Variants in IFI30 observed in about 807,000 individuals in gnomAD.
IFI30 encodes IFI30 lysosomal thiol reductase, also known as gamma-interferon-inducible lysosomal thiol reductase.
Under a neutral mutation model 30.1 loss-of-function variants are expected in IFI30, and 26 were observed. That is an observed-to-expected ratio of 0.87 (90% CI 0.63 to 1.20). IFI30 has a LOEUF of 1.20. Among genes scored for constraint, IFI30 ranks in the 50% most tolerant of loss-of-function variants. IFI30 has a pLI of 0.00. For synonymous variants in IFI30, 149 were observed against 134.5 expected, an observed-to-expected ratio of 1.11 and a Z score of -0.75; for missense variants, 296 against 312.5, an observed-to-expected ratio of 0.95 and a Z score of 0.40.
chr19:18,175,321 T>G lies in IFI30; in HGVS notation c.326T>G (p.Val109Gly). 5.0e-6 allele frequency: 8 copies of G among 1,590,862 alleles called. No homozygotes were observed. Among genetic ancestry groups the G allele is most frequent in the Non-Finnish European group, 6.8e-6 (8 of 1,169,234 alleles). The change falls in exon 3 of 7, where the codon GTC becomes GGC. Residue 109 changes from valine to glycine, a missense_variant. Transcript: ENST00000407280. ...CCTGCTGCCTTGCAGGAACAAAATGTCAGTGGCAGGTGGGAGTTCAAGTGC... is the reference window on the plus strand; with the variant it reads ...CCTGCTGCCTTGCAGGAACAAAATGGCAGTGGCAGGTGGGAGTTCAAGTGC... ...VPYGNAQEQN[V>G]SGRWEFKCQH...
In IFI30 at chr19:18,177,999, T is replaced by C. The variant is rs1967294254; in HGVS notation, c.*88T>C. 1.4e-6 allele frequency: 2 copies of C among 1,393,912 alleles called. No individual in the cohort carries two copies. The highest frequency in any genetic ancestry group is 1.2e-5 in the South Asian group (1 of 80,132). The allele number at this position is 1,393,912 out of a possible 1,614,324, so 86.3% of individuals were successfully genotyped here. A position where few individuals can be genotyped will look rare whatever the true frequency, so the allele number is the denominator to read the frequency against. On this transcript the variant is annotated 3_prime_UTR_variant, in exon 7 of 7. Transcript: ENST00000407280. Reference sequence around the variant, plus strand: ...TCTGATCCAGACCCTCGGCACCTGCTACTTACCAACTGGAAAATTTTATGC... The same window carrying C: ...TCTGATCCAGACCCTCGGCACCTGCCACTTACCAACTGGAAAATTTTATGC...
chr19:18,174,889 C>A, intron 1 of IFI30, 151 bp from the exon 2 acceptor site: 6 of 592,874 alleles, frequency 1.0e-5, no homozygotes, highest in Admixed American at 3.3e-5. Flanking sequence ...AAAAAAGTCT[C>A]AAAGTCAAGA....
Position 18,175,698 on chromosome 19 carries a change from G to A in IFI30, c.483+1G>A. The A allele has an allele frequency of 2.5e-6, 4 of 1,600,552 alleles. No homozygotes were observed. Among genetic ancestry groups the A allele is most frequent in the Non-Finnish European group, 3.4e-6 (4 of 1,173,226 alleles). ...GGACATGGAGAGAAGTCTGCCACTAGTGAGTGACGCCCCTCACTCCACCCA... is the reference window on the plus strand; with the variant it reads ...GGACATGGAGAGAAGTCTGCCACTAATGAGTGACGCCCCTCACTCCACCCA... On this transcript the variant is annotated splice_donor_variant, in intron 4 of 6. Transcript: ENST00000407280. LOFTEE classifies it high-confidence loss of function.
rs1159094965 is a variant in IFI30, at chr19:18,175,061, G to C, written c.154G>C (p.Gly52Arg). 1 of 1,613,702 alleles carries C rather than the reference G, an allele frequency of 6.2e-7. No homozygotes were observed. Among genetic ancestry groups the C allele is most frequent in the Admixed American group, 1.7e-5 (1 of 59,964 alleles). The part of the protein sequence containing the change: ...NYKTGNLYLR[G>R]PLKKSNAPLV... ...ACAGACAGGCAATCTATACCTGCGG[G>C]GGCCCCTGAAGAAGTCCAATGCACC... The change falls in exon 2 of 7, where the codon GGG (glycine) becomes CGG (arginine). Residue 52 changes from glycine to arginine, a missense_variant. Coordinates refer to ENST00000407280, the MANE Select transcript of IFI30 (RefSeq NM_006332.5).
chr19:18,177,082 G>A (rs898445946), intron 4 of IFI30, 58 bp from the exon 5 acceptor site: 7 of 1,480,352 alleles, frequency 4.7e-6, no homozygotes, highest in African/African-American at 1.4e-5. Context: ...CTGGTGGGCG[G>A]GACCGTTGAG....
chr19:18,174,018 C>T (rs746282770), intron 1 of IFI30, 45 bp downstream of exon 1: 30 of 1,508,078 alleles, frequency 2.0e-5, no homozygotes, highest in Non-Finnish European at 2.6e-5. Flanking sequence ...AACAGGCGCC[C>T]TGTCGGGGCA....
chr19:18,177,745 TTG>T lies in IFI30; in HGVS notation c.673_674del (p.Val225LeufsTer67). 6.2e-7 allele frequency: 1 copy of T among 1,613,850 alleles called. No homozygotes were observed. Among genetic ancestry groups the T allele is most frequent in the Non-Finnish European group, 8.5e-7 (1 of 1,179,854 alleles). On this transcript the variant is annotated frameshift_variant, in exon 6 of 7. Coordinates refer to ENST00000407280, the MANE Select transcript of IFI30 (RefSeq NM_006332.5). LOFTEE classifies it low-confidence loss of function (END_TRUNC). ...GAAGATCAGACCCAGCTCCTTACCCTTGTCTGCCAGTTGTACCAGGTAAGCTG... is the reference window on the plus strand; with the variant it reads ...GAAGATCAGACCCAGCTCCTTACCCTTCTGCCAGTTGTACCAGGTAAGCTG...
chr19:18,177,657 G>T, intron 5 of IFI30, 54 bp from the exon 6 acceptor site: 1 of 1,597,924 alleles, frequency 6.3e-7, no homozygotes, highest in Non-Finnish European at 8.6e-7. Flanking sequence ...GAACCAGGGT[G>T]CATGGGTTGG....
rs1409017857 is a variant in IFI30, at chr19:18,175,129, C to T, written c.222C>T (p.Gly74=). Residue 74 remains glycine (G), a synonymous_variant, in exon 2 of 7, where the codon GGC becomes GGT. Coordinates refer to ENST00000407280, the MANE Select transcript of IFI30 (RefSeq NM_006332.5). ...TCTACTATGAAGCACTGTGCGGTGG[C>T]TGCCGAGCCTTCCTGATCCGGGAGC... is the stretch of plus-strand genomic sequence containing the variant. ...VTLYYEALCG[G]CRAFLIRELF... 6.2e-7 allele frequency: 1 copy of T among 1,612,790 alleles called. No homozygotes were observed. The highest frequency in any genetic ancestry group is 1.3e-5 in the African/African-American group (1 of 74,898).
At position 18,176,397 on chromosome 19, in the gene IFI30, G is replaced by A. The variant is rs193024889; in HGVS notation, c.483+700G>A. 1.7e-3 allele frequency among the ~76,000 whole-genome samples: 254 copies of A among 151,924 alleles called. 2 individuals are homozygous for A. Among genetic ancestry groups the A allele is most frequent in the African/African-American group, 5.8e-3 (239 of 41,432 alleles). ...TCAAACTCCTGACCTCAAGTTATCC[G>A]CCTGTCCCAGCCTCCCAAAGGATTA... On this transcript the variant is annotated intron_variant, in intron 4 of 6. Coordinates refer to ENST00000407280, the MANE Select transcript of IFI30 (RefSeq NM_006332.5).
intron 3 of IFI30, 63 bp from the exon 4 acceptor site, chr19:18,175,540 CGA>C (rs1967258999): frequency 6.1e-6 from 9 of 1,463,862 alleles, no homozygotes; most frequent in Non-Finnish European, 8.5e-6. Context: ...GTGATTATTA[CGA>C]GAGGGTGTCA....
At position 18,177,987 on chromosome 19, in the gene IFI30, C is replaced by T; in HGVS notation, c.*76C>T. 2.7e-6 allele frequency: 4 copies of T among 1,455,784 alleles called. No homozygotes were observed. The highest frequency in any genetic ancestry group is 2.4e-5 in the South Asian group (2 of 81,748). 90.2% of individuals were successfully genotyped at this position (1,455,784 alleles called of 1,614,324 possible). A position where few individuals can be genotyped will look rare whatever the true frequency, so the allele number is the denominator to read the frequency against. ...CCTGCCTTTTTTTCTGATCCAGACC[C>T]TCGGCACCTGCTACTTACCAACTGG... On this transcript the variant is annotated 3_prime_UTR_variant, in exon 7 of 7. Transcript: ENST00000407280.
chr19:18,175,260 G>A (rs749556308), intron 2 of IFI30, 38 bp downstream of exon 2: 13 of 1,575,070 alleles, frequency 8.3e-6, no homozygotes, highest in African/African-American at 6.8e-5. Flanking sequence ...ACGTGGGCAG[G>A]GGAGCAGGGG....
rs1967258764 is a variant in IFI30, at chr19:18,175,522, G to A, written c.391-83G>A. 4 of 1,395,028 alleles carry A rather than the reference G, an allele frequency of 2.9e-6. No homozygotes were observed. In the South Asian group the frequency reaches 3.7e-5, roughly 13 times the overall value. The allele number at this position is 1,395,028 out of a possible 1,614,324, so 86.4% of individuals were successfully genotyped here. A position where few individuals can be genotyped will look rare whatever the true frequency, so the allele number is the denominator to read the frequency against. ...CATCTTTATTCCCTATCTCCTGGGT[G>A]GGTACTGGTGATTATTACGAGAGGG... On this transcript the variant is annotated intron_variant, in intron 3 of 6. Transcript: ENST00000407280.
Position 18,175,063 on chromosome 19 carries a change from G to A in IFI30, c.156G>A (p.Gly52=), listed in dbSNP as rs1967249754. 1.9e-6 allele frequency: 3 copies of A among 1,613,672 alleles called. No homozygotes were observed. The highest frequency in any genetic ancestry group is 2.2e-5 in the East Asian group (1 of 44,878). The stretch of plus-strand genomic sequence containing the variant: ...AGACAGGCAATCTATACCTGCGGGG[G>A]CCCCTGAAGAAGTCCAATGCACCGC... ...NYKTGNLYLR[G]PLKKSNAPLV... Residue 52 remains glycine, a synonymous_variant, in exon 2 of 7, where the codon GGG becomes GGA. Coordinates refer to ENST00000407280, the MANE Select transcript of IFI30 (RefSeq NM_006332.5).
Position 18,175,314 on chromosome 19 carries a change from CA to C in IFI30, c.323del (p.Asn108MetfsTer34). The C allele has an allele frequency of 6.3e-7, 1 of 1,589,036 alleles. No homozygotes were observed. The highest frequency in any genetic ancestry group is 8.6e-7 in the Non-Finnish European group (1 of 1,168,308). On this transcript the variant is annotated frameshift_variant, in exon 3 of 7. Transcript: ENST00000407280. LOFTEE classifies it high-confidence loss of function. ...CTCTCACCCTGCTGCCTTGCAGGAA[CA>C]AAATGTCAGTGGCAGGTGGGAGTTC... ...TLVPYGNAQE[Q>X]NVSGRWEFKC...
chr19:18,176,285 G>T (rs973790482), intron 4 of IFI30, among the ~76,000 whole-genome samples: 22 of 151,070 alleles, frequency 1.5e-4, no homozygotes, highest in African/African-American at 5.4e-4. Context: ...TTCCCCAGTA[G>T]CTGGGACTAC....
At chr19:18,176,639 G>A (rs928263718) in intron 4 of IFI30, among the ~76,000 whole-genome samples, 4 of 152,092 alleles carry the variant, frequency 2.6e-5, no homozygotes, top group Non-Finnish European at 4.4e-5. Flanking sequence ...CTACTTCCCC[G>A]GGGGATTGTG....
Position 18,177,293 on chromosome 19 carries a change from G to C in IFI30, c.636+1G>C. 6.3e-7 allele frequency: 1 copy of C among 1,579,508 alleles called. No homozygotes were observed. On this transcript the variant is annotated splice_donor_variant, in intron 5 of 6. Coordinates refer to ENST00000407280, the MANE Select transcript of IFI30 (RefSeq NM_006332.5). LOFTEE classifies it high-confidence loss of function. ...TGTGCCCTGGGTCACCGTCAATGGG[G>C]TAAGAATCTTTTTAGCCCTCAGCTT... is the stretch of plus-strand genomic sequence containing the variant.
Sources: allele counts gnomAD v4.1 joint callset (sites outside exome capture counted in the v4.1 genomes callset), GRCh38; gene constraint gnomAD v4.1.1; transcripts MANE v1.5; gene names NCBI Gene and HGNC (gene_info 2026-07-23, HGNC 2026-07-21).